Variants in DYM observed in about 807,000 individuals in gnomAD.
The protein encoded by DYM is dymeclin.
Under a neutral mutation model 93.1 loss-of-function variants are expected in DYM, and 78 were observed. The ratio of observed to expected loss-of-function variants is 0.84; its 90% CI spans 0.70 to 1.01. The LOEUF (loss-of-function observed/expected upper bound fraction) is 1.01, where lower values mean the gene tolerates loss of function less well. Among genes scored for constraint, DYM ranks in the 50% least tolerant of loss-of-function variants. DYM has a pLI of 0.00. For missense variants in DYM, 789 were observed against 845.0 expected, an observed-to-expected ratio of 0.93 and a Z score of 0.82; for synonymous variants, 321 against 319.7, an observed-to-expected ratio of 1.00 and a Z score of -0.04.
At chr18:49,460,162 G>C (rs996651984) in intron 1 of DYM, among the ~76,000 whole-genome samples, 3 of 152,204 alleles carry the variant, frequency 2.0e-5, no homozygotes, top group Non-Finnish European at 4.4e-5. Flanking sequence ...CACCGACTTG[G>C]CCTTCGGTAT....
chr18:49,103,238 CCTT>C, intron 16 of DYM, among the ~76,000 whole-genome samples: 1 of 152,222 alleles, frequency 6.6e-6, no homozygotes, highest in Admixed American at 6.5e-5. Flanking sequence ...CTGTTCATAT[CCTT>C]CACTCACTTT....
chr18:49,079,756 G>A (rs2077634205), intron 17 of DYM, among the ~76,000 whole-genome samples: 1 of 151,748 alleles, frequency 6.6e-6, no homozygotes, highest in Non-Finnish European at 1.5e-5. Flanking sequence ...CAAGGCAGAA[G>A]AATTTATCTT....
chr18:49,053,457 T>C (rs74316216), intron 17 of DYM, among the ~76,000 whole-genome samples: 1 of 151,794 alleles, frequency 6.6e-6, no homozygotes, highest in South Asian at 2.1e-4. Flanking sequence ...AATAGCTACA[T>C]AGCAGATTGA....
intron 5 of DYM, among the ~76,000 whole-genome samples, chr18:49,376,724 C>T (rs1374644374): frequency 6.6e-6 from 1 of 152,138 alleles, no homozygotes; most frequent in Admixed American, 6.6e-5. Context: ...CATGAACCTG[C>T]CAAATGGCTA....
chr18:49,366,695 T>C (rs1427592074), intron 5 of DYM, among the ~76,000 whole-genome samples: 2 of 152,146 alleles, frequency 1.3e-5, no homozygotes, highest in Non-Finnish European at 2.9e-5. Flanking sequence ...TCCAGACAAA[T>C]ATTTTAATAT....
chr18:49,458,664 C>T (rs913009406), intron 1 of DYM, among the ~76,000 whole-genome samples: 3 of 151,960 alleles, frequency 2.0e-5, no homozygotes, highest in Admixed American at 6.6e-5. Context: ...TGATGAGACC[C>T]CCGTCTCTAC....
intron 8 of DYM, among the ~76,000 whole-genome samples, chr18:49,316,710 G>A (rs199883819): frequency 1.6e-4 from 25 of 152,062 alleles, no homozygotes; most frequent in East Asian, 7.7e-4. Context: ...ACCTACTTAT[G>A]TATCTTCTCC....
chr18:49,073,449 C>A (rs7239172), intron 17 of DYM, among the ~76,000 whole-genome samples: 1 of 150,294 alleles, frequency 6.7e-6, no homozygotes, highest in South Asian at 2.1e-4. Flanking sequence ...CACCTCCCCC[C>A]ACCCCCATAA....
At chr18:49,338,672 T>C (rs1162595791) in intron 6 of DYM, among the ~76,000 whole-genome samples, 1 of 152,146 alleles carries the variant, frequency 6.6e-6, no homozygotes, top group African/African-American at 2.4e-5. Flanking sequence ...GAAAAACACA[T>C]TGTACAGAAG....
In DYM at chr18:49,093,805, T is replaced by C. The variant is rs368361581; in HGVS notation, c.2025+3597A>G. ...ACAAAGAAACGAAAGATGCTTAGGG[T>C]GAGATAGGGAAGAGACCCCTGAATA... On this transcript the variant is annotated intron_variant, in intron 17 of 17. Transcript: ENST00000675505. Among the ~76,000 whole-genome samples, 28 of 152,080 alleles carry C rather than the reference T, an allele frequency of 1.8e-4. No homozygotes were observed. In the South Asian group the frequency reaches 5.0e-3, roughly 27 times the overall value.
At position 49,044,177 on chromosome 18, in the gene DYM, C is replaced by T. The variant is rs757286463; in HGVS notation, c.2053G>A (p.Val685Met). The change falls in exon 18 of 18, where the codon GTG becomes ATG. Residue 685 changes from valine (V) to methionine (M), a missense_variant. By Grantham distance (21) the Val-to-Met change is conservative. Transcript: ENST00000675505. ...KKFPELKFKYVEEEQPEEFFI... is the reference protein window; with the variant it reads ...KKFPELKFKYMEEEQPEEFFI... ...AACTCCTCGGGCTGCTCCTCTTCCA[C>T]ATATTTGAATTTCAATTCTGGAAAT... The T allele has an allele frequency of 2.5e-5, 41 of 1,614,190 alleles. No homozygotes were observed. The South Asian group carries it at 4.5e-4, about 18-fold the overall frequency.
intron 17 of DYM, among the ~76,000 whole-genome samples, chr18:49,047,474 C>G (rs1257189185): frequency 1.3e-5 from 2 of 152,214 alleles, no homozygotes; most frequent in Non-Finnish European, 2.9e-5. Context: ...CCAGCACTTG[C>G]TGACACGAGT....
chr18:49,282,308 T>G (rs1417187029), intron 9 of DYM, 133 bp from the exon 10 acceptor site: 1 of 987,088 alleles, frequency 1.0e-6, no homozygotes, highest in Admixed American at 2.2e-5. Context: ...ATTCAAAATT[T>G]TAATTTATGT....
chr18:49,238,027 T>A (rs1163906437), intron 13 of DYM, among the ~76,000 whole-genome samples: 2 of 152,052 alleles, frequency 1.3e-5, no homozygotes, highest in African/African-American at 4.8e-5. Context: ...CAAAATAAAC[T>A]AGTACATTGT....
intron 17 of DYM, among the ~76,000 whole-genome samples, chr18:49,092,094 G>A (rs964357116): frequency 7.9e-5 from 12 of 152,216 alleles, no homozygotes; most frequent in African/African-American, 2.9e-4. Flanking sequence ...ATATAAATGT[G>A]TGAATTGTAT....
chr18:49,130,197 C>G (rs1412092091), intron 15 of DYM, among the ~76,000 whole-genome samples: 4 of 152,280 alleles, frequency 2.6e-5, no homozygotes, highest in Admixed American at 6.5e-5. Context: ...GCTGGGACTG[C>G]TGAAAACGGA....
At chr18:49,368,975 T>TC (rs1225466164) in intron 5 of DYM, among the ~76,000 whole-genome samples, 2 of 152,256 alleles carry the variant, frequency 1.3e-5, no homozygotes, top group African/African-American at 4.8e-5. Context: ...TCCTTGGCTC[T>TC]CCACTGACCT....
At chr18:49,153,540 A>T (rs1035579714) in intron 15 of DYM, among the ~76,000 whole-genome samples, 1 of 152,212 alleles carries the variant, frequency 6.6e-6, no homozygotes, top group Non-Finnish European at 1.5e-5. Flanking sequence ...AAAAGATAAG[A>T]GTAAACTGAG....
chr18:49,415,992 G>T (rs2072943875), intron 2 of DYM, among the ~76,000 whole-genome samples: 1 of 151,656 alleles, frequency 6.6e-6, no homozygotes, highest in Non-Finnish European at 1.5e-5. Context: ...TCACTGTCTG[G>T]CTTAATTTTT....
Sources: gnomAD v4.1 joint callset for allele counts (sites outside exome capture counted in the v4.1 genomes callset) on GRCh38, gnomAD v4.1.1 for gene constraint, MANE v1.5 for transcripts, NCBI Gene and HGNC (gene_info 2026-07-23, HGNC 2026-07-21) for gene names.